GAB2: variants seen among roughly 807,000 people sequenced by gnomAD.
GAB2 encodes the protein GRB2 associated binding protein 2.
In GAB2, 26 loss-of-function variants were observed where a neutral mutation model predicts 65.5. The observed-to-expected ratio is 0.40, with a 90% CI of 0.29 to 0.55. GAB2 has a LOEUF of 0.55. Ranked by LOEUF, GAB2 falls within the 20% of genes least tolerant of loss-of-function variation. GAB2 has a pLI of 0.53. For missense variants in GAB2, 884 were observed against 875.8 expected, an observed-to-expected ratio of 1.01 and a Z score of -0.12; for synonymous variants, 321 against 329.6, an observed-to-expected ratio of 0.97 and a Z score of 0.28.
At chr11:78,307,592 T>C (rs1855390929) in intron 1 of GAB2, among the ~76,000 whole-genome samples, 6 of 100,876 alleles carry the variant, frequency 5.9e-5, no homozygotes. Context: ...ATCCCATCTC[T>C]ACAAAAAATG....
At position 78,417,798 on chromosome 11, in the gene GAB2, G is replaced by C. The variant is rs1857221308; in HGVS notation, c.-78C>G. 2.2e-5 allele frequency: 17 copies of C among 773,104 alleles called. 1 individual carries two copies. The South Asian group carries it at 7.4e-4, about 33-fold the overall frequency. 47.9% of individuals were successfully genotyped at this position (773,104 alleles called of 1,614,324 possible). ...GGCAGCTGGGGCAGCGGCCGGCGGT[G>C]CGCAGCTCGCGGGAGGCCAGGGGCG... On this transcript the variant is annotated 5_prime_UTR_variant, in exon 1 of 10. Coordinates refer to ENST00000361507, the MANE Select transcript of GAB2 (RefSeq NM_080491.3).
chr11:78,233,148 T>C (rs1007259446), intron 3 of GAB2, among the ~76,000 whole-genome samples: 7 of 149,472 alleles, frequency 4.7e-5, no homozygotes, highest in Non-Finnish European at 1.0e-4. Context: ...CAAGCCATCC[T>C]CCCACCTCAG....
At chr11:78,347,094 A>G (rs1004441976) in intron 1 of GAB2, among the ~76,000 whole-genome samples, 15 of 152,226 alleles carry the variant, frequency 9.9e-5, no homozygotes, top group Middle Eastern at 6.8e-3. Flanking sequence ...CAAACGTTTA[A>G]TTTAATCTTT....
chr11:78,315,330 C>T (rs943523979), intron 1 of GAB2, among the ~76,000 whole-genome samples: 2 of 152,190 alleles, frequency 1.3e-5, no homozygotes, highest in African/African-American at 4.8e-5. Context: ...AAGAAGCCTG[C>T]TTTTAGGGGA....
chr11:78,406,691 C>T lies in GAB2; in HGVS notation c.75+10955G>A, dbSNP rs113114132. 3.5e-3 allele frequency among the ~76,000 whole-genome samples: 526 copies of T among 152,062 alleles called. 1 individual carries two copies. The highest frequency in any genetic ancestry group is 0.011 in the African/African-American group (469 of 41,440). On this transcript the variant is annotated intron_variant, in intron 1 of 9. Coordinates refer to ENST00000361507, the MANE Select transcript of GAB2 (RefSeq NM_080491.3). ...AAAATGTCCAGGTTTTAATAGAAAACGACTCATTATACAAAGAATGAGGAA... is the reference window on the plus strand; with the variant it reads ...AAAATGTCCAGGTTTTAATAGAAAATGACTCATTATACAAAGAATGAGGAA...
chr11:78,280,471 C>T, intron 2 of GAB2, 130 bp downstream of exon 2: 1 of 788,540 alleles, frequency 1.3e-6, no homozygotes, highest in South Asian at 1.7e-5. Context: ...AACCCCTTCA[C>T]ACTCTTTACC....
At chr11:78,353,313 T>C (rs1856309188) in intron 1 of GAB2, among the ~76,000 whole-genome samples, 1 of 152,128 alleles carries the variant, frequency 6.6e-6, no homozygotes, top group African/African-American at 2.4e-5. Flanking sequence ...TGGTGGTGTG[T>C]ACCTGTAATC....
chr11:78,384,924 C>T (rs73502924), intron 1 of GAB2, among the ~76,000 whole-genome samples: 4,729 of 152,240 alleles, frequency 0.031, 218 homozygotes, highest in African/African-American at 0.1. Context: ...CATTTGAAGA[C>T]ATGGCTGTGT....
At chr11:78,336,056 G>T (rs1855992200) in intron 1 of GAB2, among the ~76,000 whole-genome samples, 1 of 151,962 alleles carries the variant, frequency 6.6e-6, no homozygotes, top group South Asian at 2.1e-4. Flanking sequence ...GCTCACACCT[G>T]CAATCCCAGT....
chr11:78,350,404 T>A (rs1452561880), intron 1 of GAB2, among the ~76,000 whole-genome samples: 2 of 152,232 alleles, frequency 1.3e-5, no homozygotes, highest in Non-Finnish European at 1.5e-5. Flanking sequence ...GTTTTTCAAC[T>A]TTTAACAAAG....
At chr11:78,289,584 G>A (rs912183234) in intron 1 of GAB2, among the ~76,000 whole-genome samples, 17 of 152,082 alleles carry the variant, frequency 1.1e-4, no homozygotes, top group African/African-American at 3.6e-4. Context: ...AAAGTTTCAG[G>A]AAGTTAAGAC....
At chr11:78,226,424 C>A in intron 4 of GAB2, 41 bp downstream of exon 4, 1 of 1,479,446 alleles carries the variant, frequency 6.8e-7, no homozygotes, top group Non-Finnish European at 9.5e-7. Context: ...CCCTGTGTTA[C>A]CTCCTCCTCC....
At chr11:78,366,569 G>C (rs1159299292) in intron 1 of GAB2, among the ~76,000 whole-genome samples, 2 of 93,798 alleles carry the variant, frequency 2.1e-5, no homozygotes, top group African/African-American at 4.2e-5. Context: ...CTGGGCGACA[G>C]AGCAAGACTC....
intron 3 of GAB2, 129 bp downstream of exon 3, chr11:78,250,028 T>C (rs1015563649): frequency 1.0e-6 from 1 of 962,534 alleles, no homozygotes; most frequent in Non-Finnish European, 1.6e-6. Context: ...AAATTATGTT[T>C]TGTCATAGAC....
chr11:78,280,657 T>G lies in GAB2; in HGVS notation c.320A>C (p.Lys107Thr). The G allele has an allele frequency of 6.2e-7, 1 of 1,614,150 alleles. No individual in the cohort carries two copies. Among genetic ancestry groups the G allele is most frequent in the Non-Finnish European group, 8.5e-7 (1 of 1,179,998 alleles). Reference protein sequence around the residue: ...LVAETEEDMNKWVQSICQICG... With the variant: ...LVAETEEDMNTWVQSICQICG... ...GATCTGGCAGATGCTCTGGACCCAC[T>G]TATTCATGTCCTCTTCTGTCTCAGC... Residue 107 changes from lysine (K) to threonine (T), a missense_variant, in exon 2 of 10, where the codon AAG (lysine) becomes ACG (threonine). Transcript: ENST00000361507.
intron 1 of GAB2, among the ~76,000 whole-genome samples, chr11:78,362,940 A>T (rs1381396949): frequency 1.3e-5 from 2 of 152,192 alleles, no homozygotes; most frequent in Non-Finnish European, 2.9e-5. Context: ...AAGTATGTGT[A>T]CCTAGTAATA....
At chr11:78,229,203 C>A (rs1864767916) in intron 3 of GAB2, among the ~76,000 whole-genome samples, 1 of 152,058 alleles carries the variant, frequency 6.6e-6, no homozygotes, top group East Asian at 1.9e-4. Flanking sequence ...TTGAGTGAGT[C>A]TGGAAGGATG....
At chr11:78,410,037 G>A (rs1206365664) in intron 1 of GAB2, among the ~76,000 whole-genome samples, 1 of 151,998 alleles carries the variant, frequency 6.6e-6, no homozygotes, top group East Asian at 1.9e-4. Flanking sequence ...GGTCAAAGAG[G>A]AAAGTCTCAA....
At chr11:78,315,262 G>A (rs928502046) in intron 1 of GAB2, among the ~76,000 whole-genome samples, 16 of 151,884 alleles carry the variant, frequency 1.1e-4, no homozygotes, top group African/African-American at 3.4e-4. Flanking sequence ...TCTTCTTCTC[G>A]CATTATTTCA....
Sources: gnomAD v4.1 joint callset for allele counts (sites outside exome capture counted in the v4.1 genomes callset) on GRCh38, gnomAD v4.1.1 for gene constraint, MANE v1.5 for transcripts, NCBI Gene and HGNC (gene_info 2026-07-23, HGNC 2026-07-21) for gene names.